The following PYHIN1 variants were observed in gnomAD, a reference collection of about 807,000 sequenced individuals.
The protein encoded by PYHIN1 is pyrin and HIN domain family member 1, also known as pyrin and HIN domain-containing protein 1.
Under a neutral mutation model 43.7 loss-of-function variants are expected in PYHIN1, and 32 were observed. The observed-to-expected ratio is 0.73, with a 90% CI of 0.55 to 0.98. The LOEUF (loss-of-function observed/expected upper bound fraction) is 0.98. PYHIN1 is among the 50% of genes least tolerant of loss of function. The pLI is 0.00. For missense variants in PYHIN1, 588 were observed against 589.5 expected (o/e 1.00, Z 0.03); for synonymous variants, 205 against 203.1 (o/e 1.01, Z -0.08).
chr1:158,948,719 T>C (rs1235037324), intron 7 of PYHIN1, among the ~76,000 whole-genome samples: 1 of 152,190 alleles, frequency 6.6e-6, no homozygotes. Context: ...AGGCTATAAG[T>C]GTGCCTACGA....
intron 3 of PYHIN1, 78 bp from the exon 4 acceptor site, chr1:158,939,002 A>T: frequency 3.6e-6 from 4 of 1,109,166 alleles, no homozygotes; most frequent in South Asian, 3.7e-5. Context: ...TACAATAAAT[A>T]TATTACCTTG....
At chr1:158,937,836 C>G (rs1648651538) in intron 2 of PYHIN1, among the ~76,000 whole-genome samples, 1 of 151,860 alleles carries the variant, frequency 6.6e-6, no homozygotes, top group Admixed American at 6.6e-5. Context: ...GTCCCAGCTA[C>G]TCGGAGGCTG....
chr1:158,931,829 C>G (rs1026514523), intron 1 of PYHIN1, 53 bp downstream of exon 1: 1 of 152,126 alleles, frequency 6.6e-6, no homozygotes, highest in Non-Finnish European at 1.5e-5. Flanking sequence ...TCCTTGAAAG[C>G]CACAAAATCA....
At chr1:158,965,813 A>G (rs182782026) in intron 7 of PYHIN1, among the ~76,000 whole-genome samples, 2 of 152,160 alleles carry the variant, frequency 1.3e-5, no homozygotes, top group Non-Finnish European at 2.9e-5. Context: ...ACAACCCAAC[A>G]TCACAACTAG....
In PYHIN1 at chr1:158,936,980, A is replaced by C. The variant is rs1391635311; in HGVS notation, c.70A>C (p.Ile24Leu). The C allele has an allele frequency of 6.2e-7, 1 of 1,612,738 alleles. No individual in the cohort carries two copies. The highest frequency in any genetic ancestry group is 1.7e-5 in the Admixed American group (1 of 59,868). Residue 24 changes from isoleucine (I) to leucine (L), a missense_variant, in exon 2 of 9, where the codon ATT (isoleucine) becomes CTT (leucine). By Grantham distance (5) the Ile-to-Leu change is conservative (BLOSUM62 2). Coordinates refer to ENST00000368140, the MANE Select transcript of PYHIN1 (RefSeq NM_152501.5). ...GGTCATCAATGATTATCATTTTAGAATTGTTAAGTCCTTACTGAGTAACGA... is the reference window on the plus strand; with the variant it reads ...GGTCATCAATGATTATCATTTTAGACTTGTTAAGTCCTTACTGAGTAACGA... Reference protein sequence around the residue: ...LEVINDYHFRIVKSLLSNDLK... With the variant: ...LEVINDYHFRLVKSLLSNDLK...
At chr1:158,940,891 C>A in intron 4 of PYHIN1, among the ~76,000 whole-genome samples, 1 of 152,178 alleles carries the variant, frequency 6.6e-6, no homozygotes, top group East Asian at 1.9e-4. Context: ...TATCATCATA[C>A]AATGTAATGT....
At position 158,943,872 on chromosome 1, in the gene PYHIN1, A is replaced by G. The variant is rs1178641489; in HGVS notation, c.1085A>G (p.His362Arg). 8 of 1,611,308 alleles carry G rather than the reference A, an allele frequency of 5.0e-6. No homozygotes were observed. In the African/African-American group the frequency reaches 1.1e-4, roughly 22 times the overall value. ...GCTGTAGTAGGAAAAGGAGAATGCC[A>G]CAATATCCCCTGTGAAAAAGGAGAT... ...SMAVVGKGEC[H>R]NIPCEKGDKL... Residue 362 changes from histidine (H) to arginine (R), a missense_variant, in exon 6 of 9, where the codon CAC (histidine) becomes CGC (arginine). By Grantham distance (29) the His-to-Arg change is conservative. Transcript: ENST00000368140.
chr1:158,958,500 G>C (rs563382457), intron 7 of PYHIN1, among the ~76,000 whole-genome samples: 8 of 145,944 alleles, frequency 5.5e-5, no homozygotes, highest in South Asian at 4.4e-4. Context: ...GTAAACTATC[G>C]CAAGAACAAA....
chr1:158,988,779 G>T, the PYHIN1 span, among the ~76,000 whole-genome samples: 1 of 152,088 alleles, frequency 6.6e-6, no homozygotes, highest in African/African-American at 2.4e-5. Flanking sequence ...AAAATTTTTT[G>T]AGAAAAATAA....
At chr1:158,966,372 C>T (rs565159938) in intron 7 of PYHIN1, among the ~76,000 whole-genome samples, 1 of 152,116 alleles carries the variant, frequency 6.6e-6, no homozygotes, top group African/African-American at 2.4e-5. Flanking sequence ...CCAATTCATT[C>T]TATGAGGCCA....
chr1:158,984,468 T>C, the PYHIN1 span, among the ~76,000 whole-genome samples: 4 of 152,324 alleles, frequency 2.6e-5, no homozygotes, highest in South Asian at 8.3e-4. Flanking sequence ...AGAGATCTTC[T>C]TGGTATTGAT....
intron 7 of PYHIN1, among the ~76,000 whole-genome samples, chr1:158,946,329 A>C (rs1165193082): frequency 6.6e-6 from 1 of 152,184 alleles, no homozygotes; most frequent in African/African-American, 2.4e-5. Context: ...AAAAAAAATC[A>C]GTGAAAATAG....
chr1:158,953,452 C>T (rs1344071261), intron 7 of PYHIN1, among the ~76,000 whole-genome samples: 10 of 150,602 alleles, frequency 6.6e-5, no homozygotes, highest in South Asian at 2.1e-4. Context: ...CCCTGACCCC[C>T]GAGCAGCCTA....
the PYHIN1 span, among the ~76,000 whole-genome samples, chr1:158,983,813 A>C: frequency 1.3e-5 from 2 of 152,238 alleles, no homozygotes; most frequent in South Asian, 4.1e-4. Flanking sequence ...ATTCAATTTC[A>C]GAACTTGTTA....
At chr1:158,941,610 A>G (rs906901362) in intron 4 of PYHIN1, among the ~76,000 whole-genome samples, 1 of 152,158 alleles carries the variant, frequency 6.6e-6, no homozygotes, top group Non-Finnish European at 1.5e-5. Context: ...TATTTTGTCT[A>G]TTTTTATGCT....
chr1:158,964,914 C>G (rs879826514), intron 7 of PYHIN1, among the ~76,000 whole-genome samples: 2 of 152,052 alleles, frequency 1.3e-5, no homozygotes, highest in African/African-American at 2.4e-5. Context: ...AAACAGGCTA[C>G]ACACTCCACT....
At chr1:158,986,582 C>A in the PYHIN1 span, among the ~76,000 whole-genome samples, 1 of 152,130 alleles carries the variant, frequency 6.6e-6, no homozygotes, top group Non-Finnish European at 1.5e-5. Flanking sequence ...GCTGCCAAGG[C>A]CATGCTGAAA....
At chr1:158,939,680 A>C in intron 4 of PYHIN1, 1 of 672,120 alleles carries the variant, frequency 1.5e-6, no homozygotes, top group Non-Finnish European at 2.6e-6. Flanking sequence ...CTGGATCCCA[A>C]TATTGAGATC....
the PYHIN1 span, among the ~76,000 whole-genome samples, chr1:158,986,987 T>C: frequency 2.6e-5 from 4 of 152,356 alleles, no homozygotes; most frequent in South Asian, 8.3e-4. Context: ...ACCTCTATAA[T>C]GTTTTCCTTA....
Sources: allele counts gnomAD v4.1 joint callset (sites outside exome capture counted in the v4.1 genomes callset), GRCh38; gene constraint gnomAD v4.1.1; transcripts MANE v1.5; gene names NCBI Gene and HGNC (gene_info 2026-07-23, HGNC 2026-07-21).